The following RNF175 variants were observed in gnomAD, a reference collection of about 807,000 sequenced individuals.
RNF175 encodes ring finger protein 175.
In RNF175, 38 loss-of-function variants were observed where a neutral mutation model predicts 50.0. The observed-to-expected ratio is 0.76, with a 90% confidence interval of 0.59 to 1.00. RNF175 has a LOEUF of 1.00. Among genes scored for constraint, RNF175 ranks in the 50% least tolerant of loss-of-function variants. The pLI is 0.00. For missense variants in RNF175, 388 were observed against 409.6 expected (o/e 0.95, Z 0.46); for synonymous variants, 155 against 146.1 (o/e 1.06, Z -0.44).
At chr4:153,723,714 T>G (rs1302776501) in intron 4 of RNF175, among the ~76,000 whole-genome samples, 1 of 152,234 alleles carries the variant, frequency 6.6e-6, no homozygotes, top group African/African-American at 2.4e-5. Flanking sequence ...GTCCCTCATG[T>G]GCTTCACTTA....
intron 4 of RNF175, among the ~76,000 whole-genome samples, chr4:153,726,097 GTTT>G (rs1311021300): frequency 4.2e-5 from 6 of 142,374 alleles, no homozygotes; most frequent in African/African-American, 1.5e-4. Context: ...GTGTGTGTGT[GTTT>G]TGTTTTTGTT....
chr4:153,747,540 C>A (rs1213303363), intron 3 of RNF175, among the ~76,000 whole-genome samples: 1 of 152,180 alleles, frequency 6.6e-6, no homozygotes, highest in African/African-American at 2.4e-5. Flanking sequence ...CATTTTCTGT[C>A]TAAGACCTCA....
intron 1 of RNF175, among the ~76,000 whole-genome samples, chr4:153,758,957 C>T (rs1256533386): frequency 6.6e-6 from 1 of 152,134 alleles, no homozygotes; most frequent in Non-Finnish European, 1.5e-5. Context: ...AGTTCTTTGC[C>T]TGAACCTATT....
chr4:153,722,745 C>T (rs1269142602), intron 5 of RNF175, among the ~76,000 whole-genome samples: 2 of 144,960 alleles, frequency 1.4e-5, no homozygotes, highest in African/African-American at 5.1e-5. Context: ...TTTAAATTTT[C>T]TGGTAGGTGC....
At chr4:153,747,277 T>C (rs6851366) in intron 3 of RNF175, among the ~76,000 whole-genome samples, 73,200 of 152,098 alleles carry the variant, frequency 0.48, 17,969 homozygotes, top group Admixed American at 0.52. Context: ...CCAAATTTTA[T>C]ATTGTTTCTC....
chr4:153,748,839 A>G, intron 2 of RNF175, 53 bp from the exon 3 acceptor site: 1 of 1,506,266 alleles, frequency 6.6e-7, no homozygotes, highest in Non-Finnish European at 8.9e-7. Context: ...TTGCGCATTT[A>G]GCAAAAAAAA....
chr4:153,751,589 T>G, intron 1 of RNF175, 114 bp from the exon 2 acceptor site: 1 of 717,106 alleles, frequency 1.4e-6, no homozygotes, highest in African/African-American at 1.8e-5. Flanking sequence ...CACATAGTAT[T>G]TGAATAATTT....
chr4:153,759,771 C>T, intron 1 of RNF175, 26 bp downstream of exon 1: 2 of 1,450,944 alleles, frequency 1.4e-6, no homozygotes, highest in East Asian at 2.9e-5. Context: ...CTGGCGTCCC[C>T]CACGCCCGCG....
chr4:153,759,599 G>A (rs1168097276), intron 1 of RNF175, among the ~76,000 whole-genome samples, 198 bp downstream of exon 1: 1 of 152,136 alleles, frequency 6.6e-6, no homozygotes, highest in African/African-American at 2.4e-5. Context: ...GGGGAGGGAG[G>A]GAGTGGAGGA....
rs1740748552 is a variant in RNF175, at chr4:153,759,903, G to A, written c.-41C>T. 2.4e-6 allele frequency: 3 copies of A among 1,276,444 alleles called. No homozygotes were observed. The highest frequency in any genetic ancestry group is 3.1e-5 in the African/African-American group (2 of 63,712). The allele number at this position is 1,276,444 out of a possible 1,614,324, so 79.1% of individuals were successfully genotyped here. A position where few individuals can be genotyped will look rare whatever the true frequency, so the allele number is the denominator to read the frequency against. Reference sequence around the variant, plus strand: ...CCTTCTCCAGGGCACAGCGCCTGCCGGGGAGGGTCCCGCAGAGTCCGCAGA... The same window carrying A: ...CCTTCTCCAGGGCACAGCGCCTGCCAGGGAGGGTCCCGCAGAGTCCGCAGA... On this transcript the variant is annotated 5_prime_UTR_variant, in exon 1 of 9. Transcript: ENST00000347063.
intron 3 of RNF175, among the ~76,000 whole-genome samples, chr4:153,735,110 T>G (rs532663220): frequency 1.3e-5 from 2 of 152,304 alleles, no homozygotes; most frequent in African/African-American, 4.8e-5. Context: ...TAAACCTATA[T>G]TTTTTTCCTA....
intron 5 of RNF175, among the ~76,000 whole-genome samples, chr4:153,721,827 A>G (rs965064861): frequency 6.6e-6 from 1 of 152,216 alleles, no homozygotes; most frequent in Non-Finnish European, 1.5e-5. Context: ...AAAATAAACC[A>G]GTATAGACAG....
At chr4:153,751,317 C>T in intron 2 of RNF175, 121 bp downstream of exon 2, 1 of 723,352 alleles carries the variant, frequency 1.4e-6, no homozygotes, top group East Asian at 2.8e-5. Flanking sequence ...GTGTATCCTA[C>T]CCCATCTTCT....
chr4:153,759,889 G>A lies in RNF175; in HGVS notation c.-27C>T, dbSNP rs1740747469. ...CCTGAGCCACTGTGCCTTCTCCAGG[G>A]CACAGCGCCTGCCGGGGAGGGTCCC... On this transcript the variant is annotated 5_prime_UTR_variant, in exon 1 of 9. Coordinates refer to ENST00000347063, the MANE Select transcript of RNF175 (RefSeq NM_173662.4). The A allele has an allele frequency of 3.0e-6, 4 of 1,348,456 alleles. No individual in the cohort carries two copies. The highest frequency in any genetic ancestry group is 2.9e-6 in the Non-Finnish European group (3 of 1,049,750). The allele number at this position is 1,348,456 out of a possible 1,614,324, so 83.5% of individuals were successfully genotyped here. A position where few individuals can be genotyped will look rare whatever the true frequency, so the allele number is the denominator to read the frequency against.
intron 1 of RNF175, among the ~76,000 whole-genome samples, chr4:153,759,557 G>A (rs1740723187): frequency 6.6e-6 from 1 of 152,198 alleles, no homozygotes; most frequent in Non-Finnish European, 1.5e-5. Flanking sequence ...ATCAGAAGGA[G>A]GAAAGGAAGG....
At chr4:153,712,743 T>G (rs1404462273) in intron 7 of RNF175, among the ~76,000 whole-genome samples, 167 bp from the exon 8 acceptor site, 1 of 152,222 alleles carries the variant, frequency 6.6e-6, no homozygotes, top group African/African-American at 2.4e-5. Flanking sequence ...ACAGTGAGCC[T>G]GGAGTCACAG....
intron 3 of RNF175, among the ~76,000 whole-genome samples, chr4:153,739,163 C>T (rs1207118124): frequency 6.6e-6 from 1 of 152,182 alleles, no homozygotes. Context: ...TGGCTCATGC[C>T]AGTAATCCCA....
intron 4 of RNF175, among the ~76,000 whole-genome samples, chr4:153,724,748 T>C (rs1738570587): frequency 1.3e-5 from 2 of 152,014 alleles, no homozygotes; most frequent in Non-Finnish European, 2.9e-5. Flanking sequence ...ATGGTTTAAA[T>C]GGGTTGTGGG....
chr4:153,736,087 A>T (rs1256463065), intron 3 of RNF175, among the ~76,000 whole-genome samples: 1 of 152,178 alleles, frequency 6.6e-6, no homozygotes, highest in Non-Finnish European at 1.5e-5. Flanking sequence ...ACCATTAAGT[A>T]TGTCAGTTGT....
Sources: gnomAD v4.1 joint callset for allele counts (sites outside exome capture counted in the v4.1 genomes callset) on GRCh38, gnomAD v4.1.1 for gene constraint, MANE v1.5 for transcripts, NCBI Gene and HGNC (gene_info 2026-07-23, HGNC 2026-07-21) for gene names.